The following THOC3 variants were observed in gnomAD, a reference collection of about 807,000 sequenced individuals.
THOC3 encodes the protein THO complex subunit 3, also known as TEX1 homolog.
In THOC3, 4 loss-of-function variants were observed where a neutral mutation model predicts 23.3. The observed-to-expected ratio is 0.17, with a 90% CI of 0.08 to 0.39. The LOEUF (loss-of-function observed/expected upper bound fraction) is 0.39. Among genes scored for constraint, THOC3 ranks in the 10% least tolerant of loss-of-function variants. The pLI is 1.00. For missense variants in THOC3, 64 were observed against 359.4 expected, an observed-to-expected ratio of 0.18 and a Z score of 6.65; for synonymous variants, 27 against 141.5, an observed-to-expected ratio of 0.19 and a Z score of 5.74.
chr5:175,962,521 C>CTTTTTT (rs151187689), intron 3 of THOC3, among the ~76,000 whole-genome samples: 1 of 109,542 alleles, frequency 9.1e-6, no homozygotes, highest in African/African-American at 4.0e-5. Flanking sequence ...TGTAAGGCTC[C>CTTTTTT]TTTTTTTTTT....
intron 5 of THOC3, chr5:175,960,693 AT>A (rs1756645087): frequency 7.5e-6 from 1 of 133,920 alleles, no homozygotes; most frequent in African/African-American, 2.9e-5. Flanking sequence ...TTTAAATAAT[AT>A]TTTTTCAAGT....
At chr5:175,960,160 T>C (rs1423525681) in intron 5 of THOC3, 28 bp from the exon 6 acceptor site, 1 of 665,788 alleles carries the variant, frequency 1.5e-6, no homozygotes, top group Admixed American at 3.6e-5. Flanking sequence ...GAGAAACCAA[T>C]CAATACGTTC....
intron 3 of THOC3, among the ~76,000 whole-genome samples, chr5:175,963,096 G>T (rs186952887): frequency 4.6e-5 from 7 of 152,238 alleles, no homozygotes; most frequent in Non-Finnish European, 1.0e-4. Context: ...ACACCTAACT[G>T]CTCATCTTTG....
At chr5:175,965,529 A>C (rs1433387340) in intron 2 of THOC3, among the ~76,000 whole-genome samples, 1 of 152,250 alleles carries the variant, frequency 6.6e-6, no homozygotes, top group Non-Finnish European at 1.5e-5. Flanking sequence ...GGTTCACGCC[A>C]TTCTCTCGCC....
Position 175,967,524 on chromosome 5 carries a change from C to T in THOC3, c.268-257G>A, listed in dbSNP as rs1472299917. ...TTCCTGGTTTTCCACCCTTACTCTACCACCAACGTACCACCAACGTACCAC... is the reference window on the plus strand; with the variant it reads ...TTCCTGGTTTTCCACCCTTACTCTATCACCAACGTACCACCAACGTACCAC... On this transcript the variant is annotated intron_variant, in intron 1 of 5. Transcript: ENST00000265097. 45 of 306,190 alleles carry T rather than the reference C, an allele frequency of 1.5e-4. 1 individual carries two copies. Among genetic ancestry groups the T allele is most frequent in the South Asian group, 1.3e-3 (39 of 30,912 alleles). 19.0% of individuals were successfully genotyped at this position (306,190 alleles called of 1,614,324 possible). A position where few individuals can be genotyped will look rare whatever the true frequency, so the allele number is the denominator to read the frequency against.
intron 3 of THOC3, among the ~76,000 whole-genome samples, chr5:175,962,526 T>G (rs1351997810): frequency 6.9e-6 from 1 of 145,240 alleles, no homozygotes; most frequent in Non-Finnish European, 1.5e-5. Context: ...GGCTCCTTTT[T>G]TTTTTTTTTT....
intron 3 of THOC3, among the ~76,000 whole-genome samples, chr5:175,962,628 G>A (rs1189079299): frequency 2.1e-5 from 3 of 144,788 alleles, no homozygotes; most frequent in Non-Finnish European, 3.0e-5. Flanking sequence ...GGGTTCAAGC[G>A]ATTCTCCTGC....
chr5:175,966,928 CTA>C (rs1756776431), intron 2 of THOC3, among the ~76,000 whole-genome samples, 181 bp downstream of exon 2: 1 of 149,906 alleles, frequency 6.7e-6, no homozygotes, highest in Non-Finnish European at 1.5e-5. Context: ...CCATATCTTG[CTA>C]TGTTATTTGT....
Position 175,968,071 on chromosome 5 carries a change from G to C in THOC3, c.138C>G (p.Ser46Arg). ...LGMQELFRGH[S>R]KTREFLAHSA... ...TGTGCGCCAGGAACTCGCGCGTCTT[G>C]CTGTGGCCCCGGAACAGCTCCTGCA... The change falls in exon 1 of 6, where the codon AGC (serine) becomes AGG (arginine). Residue 46 changes from serine to arginine, a missense_variant. Physicochemically the swap from Ser to Arg is moderately radical, Grantham distance 110. Coordinates refer to ENST00000265097, the MANE Select transcript of THOC3 (RefSeq NM_032361.4). The C allele has an allele frequency of 6.2e-7, 1 of 1,611,532 alleles. No individual in the cohort carries two copies. The highest frequency in any genetic ancestry group is 8.5e-7 in the Non-Finnish European group (1 of 1,179,692).
chr5:175,960,470 C>T (rs1374494824), intron 5 of THOC3: 1 of 275,002 alleles, frequency 3.6e-6, no homozygotes, highest in African/African-American at 2.2e-5. Flanking sequence ...GCATTCTTTA[C>T]ATAGTGGAAT....
chr5:175,965,178 C>T, intron 2 of THOC3, 23 bp from the exon 3 acceptor site: 2 of 1,610,984 alleles, frequency 1.2e-6, no homozygotes, highest in Non-Finnish European at 8.5e-7. Context: ...ACATAATCAG[C>T]AAGATAATCT....
At chr5:175,962,417 T>TACACACACACACACACACACAC (rs775994149) in intron 3 of THOC3, among the ~76,000 whole-genome samples, 3 of 42,574 alleles carry the variant, frequency 7.0e-5, no homozygotes, top group African/African-American at 2.5e-4. Context: ...AATATATATA[T>TACACACACACACACACACACAC]ATATACACAC....
chr5:175,967,776 C>G, intron 1 of THOC3, among the ~76,000 whole-genome samples, 166 bp downstream of exon 1: 1 of 129,874 alleles, frequency 7.7e-6, no homozygotes, highest in Non-Finnish European at 1.7e-5. Flanking sequence ...CACACTCCAC[C>G]TTCTCCCTAC....
At position 175,965,093 on chromosome 5, in the gene THOC3, C is replaced by T; in HGVS notation, c.487G>A (p.Asp163Asn). Residue 163 changes from aspartate (D) to asparagine (N), a missense_variant, in exon 3 of 6, where the codon GAT becomes AAT. Asp to Asn is a conservative substitution (Grantham distance 23). Transcript: ENST00000265097. ...TTGGCATCAATAAAGGTCACCACAT[C>T]ATCCTTGTTGCCTACAGCAATGGTC... is the stretch of plus-strand genomic sequence containing the variant. ...GQTIAVGNKD[D>N]VVTFIDAKTH... The T allele has an allele frequency of 6.4e-7, 1 of 1,572,522 alleles. No individual in the cohort carries two copies.
chr5:175,962,421 TACACACACAC>T (rs59077860), intron 3 of THOC3, among the ~76,000 whole-genome samples: 4,260 of 44,236 alleles, frequency 0.096, 258 homozygotes, highest in African/African-American at 0.3. Context: ...TATATATATA[TACACACACAC>T]ACACACACAC....
At chr5:175,962,534 T>C (rs935048528) in intron 3 of THOC3, among the ~76,000 whole-genome samples, 4 of 147,496 alleles carry the variant, frequency 2.7e-5, no homozygotes, top group African/African-American at 7.7e-5. Context: ...TTTTTTTTTT[T>C]TTTTTGAGGT....
intron 2 of THOC3, among the ~76,000 whole-genome samples, chr5:175,965,517 T>C (rs1429354046): frequency 2.6e-5 from 4 of 152,240 alleles, no homozygotes; most frequent in Admixed American, 2.0e-4. Context: ...CTCCACCTCC[T>C]GGGTTCACGC....
intron 3 of THOC3, among the ~76,000 whole-genome samples, chr5:175,962,086 T>C (rs1186954014): frequency 3.1e-4 from 47 of 152,040 alleles, no homozygotes; most frequent in African/African-American, 1.0e-3. Context: ...TTACAACATA[T>C]AGTACTATTT....
rs559792264 is a variant in THOC3, at chr5:175,959,610, C to A, written c.*359G>T. 468 of 138,416 alleles carry A rather than the reference C, an allele frequency of 3.4e-3. 4 individuals are homozygous for A. Among genetic ancestry groups the A allele is most frequent in the African/African-American group, 0.012 (446 of 35,822 alleles). The allele number at this position is 138,416 out of a possible 1,614,324, so 8.6% of individuals were successfully genotyped here. Reference sequence around the variant, plus strand: ...ATATATTTTTAATTATTTAAAAAAACTTCCATGCCCTTCCATTCCCCTCCC... The same window carrying A: ...ATATATTTTTAATTATTTAAAAAAAATTCCATGCCCTTCCATTCCCCTCCC... On this transcript the variant is annotated 3_prime_UTR_variant, in exon 6 of 6. Coordinates refer to ENST00000265097, the MANE Select transcript of THOC3 (RefSeq NM_032361.4).
Sources: gnomAD v4.1 joint callset for allele counts (sites outside exome capture counted in the v4.1 genomes callset) on GRCh38, gnomAD v4.1.1 for gene constraint, MANE v1.5 for transcripts, NCBI Gene and HGNC (gene_info 2026-07-23, HGNC 2026-07-21) for gene names.